MYO1E: variants seen among roughly 807,000 people sequenced by gnomAD.
MYO1E encodes unconventional myosin-Ie.
MYO1E carries 68 observed loss-of-function variants against 151.1 expected under a neutral mutation model. The ratio of observed to expected loss-of-function variants is 0.45; its 90% confidence interval spans 0.37 to 0.55. MYO1E has a LOEUF of 0.55. Ranked by LOEUF, MYO1E falls within the 20% of genes least tolerant of loss-of-function variation. The probability of loss-of-function intolerance (pLI) is 0.00; values close to 1 mark genes in which losing one functional copy is unlikely to be tolerated. For missense variants in MYO1E, 1,363 were observed against 1,389.3 expected (o/e 0.98, Z 0.30); for synonymous variants, 601 against 501.7 (o/e 1.20, Z -2.64).
intron 25 of MYO1E, among the ~76,000 whole-genome samples, chr15:59,155,670 C>T (rs980248598): frequency 6.6e-6 from 1 of 152,174 alleles, no homozygotes; most frequent in Non-Finnish European, 1.5e-5. Context: ...TAATATGATA[C>T]TACAGTGCTT....
rs59491381 is a variant in MYO1E, at chr15:59,319,550, C to CTTTTTTTTTTTTTTTTTTTTTTTTT, written c.4-47126_4-47102dup. Reference sequence around the variant, plus strand: ...AAGATAGGAAAAGAAGTCAAACTACCTTTTTTTTTTTTTTTTTTTTTTTTT... The same window carrying CTTTTTTTTTTTTTTTTTTTTTTTTT: ...AAGATAGGAAAAGAAGTCAAACTACCTTTTTTTTTTTTTTTTTTTTTTTTTTTTTTTTTTTTTTTTTTTTTTTTTT... On this transcript the variant is annotated intron_variant, in intron 1 of 27. Coordinates refer to ENST00000288235, the MANE Select transcript of MYO1E (RefSeq NM_004998.4). 3.1e-4 allele frequency among the ~76,000 whole-genome samples: 20 copies of CTTTTTTTTTTTTTTTTTTTTTTTTT among 63,718 alleles called. 1 individual carries two copies. The highest frequency in any genetic ancestry group is 6.2e-4 in the Admixed American group (3 of 4,806). The allele number at this position is 63,718 out of a possible 152,430, so 41.8% of individuals were successfully genotyped here. A position where few individuals can be genotyped will look rare whatever the true frequency, so the allele number is the denominator to read the frequency against.
At chr15:59,259,448 A>C (rs1254955721) in intron 3 of MYO1E, among the ~76,000 whole-genome samples, 1 of 152,080 alleles carries the variant, frequency 6.6e-6, no homozygotes, top group Non-Finnish European at 1.5e-5. Flanking sequence ...TTTTGTTTAA[A>C]AATTCCCCTC....
At chr15:59,196,609 G>C (rs774649435) in intron 16 of MYO1E, among the ~76,000 whole-genome samples, 1 of 152,126 alleles carries the variant, frequency 6.6e-6, no homozygotes, top group Non-Finnish European at 1.5e-5. Flanking sequence ...TGTTTTCATG[G>C]GTTTGGGAAA....
rs924543762 is a variant in MYO1E at position 59,185,044 on chromosome 15, G to C, written c.1904+3074C>G. 2.0e-5 allele frequency among the ~76,000 whole-genome samples: 3 copies of C among 152,120 alleles called. No individual in the cohort carries two copies. In the South Asian group the frequency reaches 6.2e-4, roughly 32 times the overall value. Reference sequence around the variant, plus strand: ...GCTTTCTCTGATGATCAATGATATTGAACACGTTTTCATATGCCTGTCTGC... The same window carrying C: ...GCTTTCTCTGATGATCAATGATATTCAACACGTTTTCATATGCCTGTCTGC... On this transcript the variant is annotated intron_variant, in intron 18 of 27. Transcript: ENST00000288235.
intron 1 of MYO1E, among the ~76,000 whole-genome samples, chr15:59,303,920 A>C (rs2080498667): frequency 2.0e-5 from 3 of 151,888 alleles, no homozygotes; most frequent in Admixed American, 2.0e-4. Context: ...GTTTCCATAC[A>C]CATTAAAGTG....
At chr15:59,208,568 C>A (rs533900632) in intron 14 of MYO1E, 113 bp downstream of exon 14, 25 of 1,305,088 alleles carry the variant, frequency 1.9e-5, no homozygotes, top group Middle Eastern at 3.7e-4. Context: ...TTAATAAATT[C>A]CGTTTGTTGA....
chr15:59,297,437 A>ATTTTTTTTTTTTTTTTTTT lies in MYO1E; in HGVS notation c.4-25007_4-24989dup, dbSNP rs755470049. Among the ~76,000 whole-genome samples the ATTTTTTTTTTTTTTTTTTT allele has an allele frequency of 1.3e-4, 8 of 63,486 alleles. 1 individual carries two copies. The highest frequency in any genetic ancestry group is 7.8e-4 in the South Asian group (1 of 1,280). 41.6% of individuals were successfully genotyped at this position (63,486 alleles called of 152,430 possible). On this transcript the variant is annotated intron_variant, in intron 1 of 27. Coordinates refer to ENST00000288235, the MANE Select transcript of MYO1E (RefSeq NM_004998.4). ...AGGTACGCACCACCACACCCAGCTA[A>ATTTTTTTTTTTTTTTTTTT]TTTTTTTTTTTTTTTTTTTTTTTTA... is the stretch of plus-strand genomic sequence containing the variant.
chr15:59,303,062 T>C (rs1314730079), intron 1 of MYO1E, among the ~76,000 whole-genome samples: 4 of 152,056 alleles, frequency 2.6e-5, no homozygotes, highest in Non-Finnish European at 4.4e-5. Context: ...CAGAAGAAAA[T>C]GTAATGCCTG....
intron 26 of MYO1E, among the ~76,000 whole-genome samples, chr15:59,151,665 C>A (rs1409292119): frequency 1.3e-5 from 2 of 152,130 alleles, no homozygotes; most frequent in African/African-American, 2.4e-5. Flanking sequence ...GTAATCCCAG[C>A]ACTTTGGGAG....
intron 25 of MYO1E, among the ~76,000 whole-genome samples, chr15:59,157,449 G>C (rs2079515356): frequency 6.6e-6 from 1 of 152,048 alleles, no homozygotes; most frequent in African/African-American, 2.4e-5. Context: ...AGTTACCCAT[G>C]GTCAACTGTG....
chr15:59,340,308 C>CA (rs553563896), intron 1 of MYO1E, among the ~76,000 whole-genome samples: 65 of 150,598 alleles, frequency 4.3e-4, no homozygotes, highest in Non-Finnish European at 7.5e-4. Context: ...CACCTTGTCT[C>CA]AAAAAAAATA....
chr15:59,292,272 T>TG (rs2080424159), intron 1 of MYO1E, among the ~76,000 whole-genome samples: 1 of 152,190 alleles, frequency 6.6e-6, no homozygotes, highest in Non-Finnish European at 1.5e-5. Context: ...ACACACCCAA[T>TG]GGGTGTTTCC....
chr15:59,362,811 C>T (rs1215201575), intron 1 of MYO1E, among the ~76,000 whole-genome samples: 2 of 152,138 alleles, frequency 1.3e-5, no homozygotes, highest in Non-Finnish European at 2.9e-5. Flanking sequence ...GGTGGTCACA[C>T]CGAAGAAATT....
intron 1 of MYO1E, among the ~76,000 whole-genome samples, chr15:59,344,233 G>A (rs1326854805): frequency 6.6e-6 from 1 of 152,210 alleles, no homozygotes; most frequent in Admixed American, 6.5e-5. Context: ...GCATTATGGG[G>A]TACCCCAAGC....
chr15:59,244,612 C>T (rs1433348219), intron 4 of MYO1E, among the ~76,000 whole-genome samples: 1 of 152,144 alleles, frequency 6.6e-6, no homozygotes, highest in Non-Finnish European at 1.5e-5. Context: ...CTAACACCTG[C>T]TGGCTCAAAG....
At chr15:59,204,842 G>A (rs7170182) in intron 15 of MYO1E, among the ~76,000 whole-genome samples, 60,576 of 152,042 alleles carry the variant, frequency 0.4, 12,654 homozygotes, top group East Asian at 0.64. Flanking sequence ...GAAGAGCTCA[G>A]GGGCAAAGTA....
At chr15:59,330,468 G>A (rs1188852300) in intron 1 of MYO1E, among the ~76,000 whole-genome samples, 4 of 152,176 alleles carry the variant, frequency 2.6e-5, no homozygotes. Context: ...TCAATTACTT[G>A]AAAAAGTAAA....
In MYO1E at chr15:59,282,671, C is replaced by T. The variant is rs146992746; in HGVS notation, c.4-10222G>A. ...GGCCAGCCTGGACAACATAGCGAGA[C>T]CCCATCTCTACACAAAATCAAAACA... On this transcript the variant is annotated intron_variant, in intron 1 of 27. Transcript: ENST00000288235. Among the ~76,000 whole-genome samples the T allele has an allele frequency of 2.4e-3, 355 of 149,228 alleles. 1 individual carries two copies. Among genetic ancestry groups the T allele is most frequent in the African/African-American group, 7.8e-3 (317 of 40,446 alleles).
At chr15:59,219,056 T>C (rs1460469436) in intron 9 of MYO1E, among the ~76,000 whole-genome samples, 1 of 152,174 alleles carries the variant, frequency 6.6e-6, no homozygotes, top group African/African-American at 2.4e-5. Flanking sequence ...AAGATTCCTC[T>C]GAGGGTAGCA....
Sources: allele counts gnomAD v4.1 joint callset (sites outside exome capture counted in the v4.1 genomes callset), GRCh38; gene constraint gnomAD v4.1.1; transcripts MANE v1.5; gene names NCBI Gene and HGNC (gene_info 2026-07-23, HGNC 2026-07-21).